TDP1: variants seen among roughly 807,000 people sequenced by gnomAD.
TDP1 encodes tyrosyl-DNA phosphodiesterase 1, also known as tyr-DNA phosphodiesterase 1.
Under a neutral mutation model 81.5 loss-of-function variants are expected in TDP1, and 64 were observed. That is an observed-to-expected ratio of 0.79 (90% CI 0.64 to 0.97). TDP1 has a LOEUF of 0.97. TDP1 is among the 50% of genes least tolerant of loss of function. TDP1 has a pLI of 0.00. For synonymous variants in TDP1, 256 were observed against 264.3 expected, an observed-to-expected ratio of 0.97 and a Z score of 0.30; for missense variants, 723 against 743.8, an observed-to-expected ratio of 0.97 and a Z score of 0.33.
At chr14:90,020,996 A>AT (rs1244648582) in intron 15 of TDP1, among the ~76,000 whole-genome samples, 5 of 151,678 alleles carry the variant, frequency 3.3e-5, no homozygotes, top group Non-Finnish European at 7.4e-5. Flanking sequence ...GGGTTTCACC[A>AT]TGTTGGCCAA....
intron 16 of TDP1, chr14:90,033,686 C>G (rs1049863010): frequency 1.6e-5 from 3 of 193,264 alleles, no homozygotes; most frequent in Non-Finnish European, 3.3e-5. Flanking sequence ...GTATCACTTT[C>G]ACACCATCAT....
intron 14 of TDP1, among the ~76,000 whole-genome samples, chr14:89,999,537 G>A (rs1328341007): frequency 1.3e-5 from 2 of 152,148 alleles, no homozygotes; most frequent in Non-Finnish European, 2.9e-5. Context: ...CCGTATTAAT[G>A]TTTGGGTTTG....
intron 2 of TDP1, among the ~76,000 whole-genome samples, chr14:89,961,220 G>C (rs142191416): frequency 4.3e-4 from 65 of 152,314 alleles, no homozygotes; most frequent in African/African-American, 1.5e-3. Flanking sequence ...CTGTCAAAAG[G>C]TGAAGGAGAG....
At chr14:90,023,255 G>T (rs1282218992) in intron 15 of TDP1, among the ~76,000 whole-genome samples, 1 of 152,192 alleles carries the variant, frequency 6.6e-6, no homozygotes, top group Non-Finnish European at 1.5e-5. Context: ...TGAGAAAGGA[G>T]TATGAGCTTA....
chr14:90,003,379 C>T (rs1050098072), intron 14 of TDP1, among the ~76,000 whole-genome samples: 1 of 152,222 alleles, frequency 6.6e-6, no homozygotes, highest in Non-Finnish European at 1.5e-5. Flanking sequence ...GCGATTTCCT[C>T]TTTTGATTGG....
chr14:89,996,872 C>T (rs1040275243), intron 14 of TDP1, among the ~76,000 whole-genome samples: 3 of 152,134 alleles, frequency 2.0e-5, no homozygotes, highest in Non-Finnish European at 2.9e-5. Context: ...TGTGAGGTGG[C>T]GTTATCCCCT....
At chr14:90,015,788 G>T (rs1482696518) in intron 14 of TDP1, among the ~76,000 whole-genome samples, 6 of 152,124 alleles carry the variant, frequency 3.9e-5, no homozygotes, top group Admixed American at 3.9e-4. Flanking sequence ...CAAAGCCCCT[G>T]CTCCTGACAC....
chr14:90,000,557 G>C (rs1053726769), intron 14 of TDP1, among the ~76,000 whole-genome samples: 1 of 152,048 alleles, frequency 6.6e-6, no homozygotes, highest in African/African-American at 2.4e-5. Context: ...GGCTAATTTT[G>C]TATTTTTAGT....
In TDP1 at chr14:90,041,667, A is replaced by C. The variant is rs1888369505; in HGVS notation, c.1754-1403A>C. Among the ~76,000 whole-genome samples, 4 of 152,350 alleles carry C rather than the reference A, an allele frequency of 2.6e-5. No homozygotes were observed. In the South Asian group the frequency reaches 8.3e-4, roughly 32 times the overall value. ...GGTGGTCCATGCCAGACCCGCCAAG[A>C]AGCAGTTTACAATGTGCATTCTAGC... On this transcript the variant is annotated intron_variant, in intron 16 of 16. Transcript: ENST00000335725.
Position 89,980,614 on chromosome 14 carries a change from G to A in TDP1, c.866G>A (p.Trp289Ter), listed in dbSNP as rs1389626630. The change falls in exon 8 of 17, where the codon TGG (tryptophan) becomes TAG (stop). Residue 289 changes from tryptophan (W) to a stop codon, truncating the protein, a stop_gained. Coordinates refer to ENST00000335725, the MANE Select transcript of TDP1 (RefSeq NM_018319.4). LOFTEE classifies it high-confidence loss of function. ...ACCTCCAACCTCATCCATGCTGACT[G>A]GCACCAGAAAACTCAAGGGTTCGTA... The part of the protein sequence containing the change: ...IHTSNLIHAD[W>*]HQKTQGIWLS... 2 of 1,614,136 alleles carry A rather than the reference G, an allele frequency of 1.2e-6. No homozygotes were observed. The highest frequency in any genetic ancestry group is 2.7e-5 in the African/African-American group (2 of 75,032).
intron 16 of TDP1, 143 bp from the exon 17 acceptor site, chr14:90,042,927 G>C (rs1888504234): frequency 3.9e-6 from 6 of 1,539,136 alleles, no homozygotes; most frequent in Middle Eastern, 1.7e-4. Context: ...TTGTCTGAAG[G>C]GGGAGAATCT....
intron 2 of TDP1, among the ~76,000 whole-genome samples, chr14:89,957,508 C>A (rs1297387281): frequency 6.6e-6 from 1 of 152,144 alleles, no homozygotes; most frequent in Non-Finnish European, 1.5e-5. Flanking sequence ...CTATTACTGG[C>A]CACACAGGAA....
At chr14:90,020,783 A>ATCTG (rs1885986286) in intron 15 of TDP1, among the ~76,000 whole-genome samples, 1 of 140,744 alleles carries the variant, frequency 7.1e-6, no homozygotes, top group East Asian at 2.0e-4. Context: ...TCAGACTTCA[A>ATCTG]TCTGGACTAA....
Position 89,967,242 on chromosome 14 carries a change from TAAATAATAC to T in TDP1, c.604-123_604-115del, listed in dbSNP as rs1893045406. 3.1e-5 allele frequency: 41 copies of T among 1,330,788 alleles called. 1 individual carries two copies. The South Asian group carries it at 4.9e-4, about 16-fold the overall frequency. The allele number at this position is 1,330,788 out of a possible 1,614,324, so 82.4% of individuals were successfully genotyped here. On this transcript the variant is annotated intron_variant, in intron 4 of 16. Transcript: ENST00000335725. ...ATTGCAGCATAACCCTCCAGGTTTATAAATAATACATGTAGTGTATCACTATTTTAGAGT... is the reference window on the plus strand; with the variant it reads ...ATTGCAGCATAACCCTCCAGGTTTATATGTAGTGTATCACTATTTTAGAGT...
chr14:90,005,903 G>A (rs1265287607), intron 14 of TDP1, among the ~76,000 whole-genome samples: 1 of 152,212 alleles, frequency 6.6e-6, no homozygotes, highest in Non-Finnish European at 1.5e-5. Context: ...ATCCTTGGCA[G>A]TAATTTTTGT....
At chr14:90,014,110 TAATA>T (rs1265807555) in intron 14 of TDP1, among the ~76,000 whole-genome samples, 1 of 152,206 alleles carries the variant, frequency 6.6e-6, no homozygotes, top group Admixed American at 6.5e-5. Context: ...GTAAAACTTT[TAATA>T]GATACTATCC....
At chr14:89,994,419 GTTTAA>G (rs551747208) in intron 14 of TDP1, among the ~76,000 whole-genome samples, 28 of 152,280 alleles carry the variant, frequency 1.8e-4, no homozygotes, top group African/African-American at 6.3e-4. Flanking sequence ...TATTGGAAAA[GTTTAA>G]TTTAATGTCT....
intron 16 of TDP1, among the ~76,000 whole-genome samples, chr14:90,040,929 C>T (rs1032778445): frequency 1.3e-5 from 2 of 152,158 alleles, no homozygotes; most frequent in Non-Finnish European, 2.9e-5. Flanking sequence ...AAAAGCAGAG[C>T]TACAGGGAAT....
At position 89,974,660 on chromosome 14, in the gene TDP1, C is replaced by A. The variant is rs552410936; in HGVS notation, c.757-1121C>A. On this transcript the variant is annotated intron_variant, in intron 6 of 16. Coordinates refer to ENST00000335725, the MANE Select transcript of TDP1 (RefSeq NM_018319.4). ...CTATTGCATGCAGGCCCCCGTTGCT[C>A]AGCATTTTACATATGTGATCTCGTT... Among the ~76,000 whole-genome samples, 12 of 152,248 alleles carry A rather than the reference C, an allele frequency of 7.9e-5. No individual in the cohort carries two copies. In the South Asian group the frequency reaches 1.5e-3, roughly 18 times the overall value.
Sources: allele counts gnomAD v4.1 joint callset (sites outside exome capture counted in the v4.1 genomes callset), GRCh38; gene constraint gnomAD v4.1.1; transcripts MANE v1.5; gene names NCBI Gene and HGNC (gene_info 2026-07-23, HGNC 2026-07-21).